FRYL: variants seen among roughly 807,000 people sequenced by gnomAD.
FRYL encodes the protein protein furry homolog-like.
FRYL carries 150 observed loss-of-function variants against 351.2 expected under a neutral mutation model. That is an observed-to-expected ratio of 0.43 (90% confidence interval 0.37 to 0.49). FRYL has a LOEUF of 0.49. FRYL is among the 20% of genes least tolerant of loss of function. The pLI is 0.00. For missense variants in FRYL, 3,036 were observed against 3,619.3 expected (o/e 0.84, Z 4.13); for synonymous variants, 1,153 against 1,257.1 (o/e 0.92, Z 1.75).
rs1560637003 is a variant in FRYL at position 48,575,145 on chromosome 4, G to A, written c.2818C>T (p.Leu940Phe). Residue 940 changes from leucine to phenylalanine, a missense_variant, in exon 25 of 64, where the codon CTT becomes TTT. Physicochemically the swap from Leu to Phe is conservative, Grantham distance 22 (BLOSUM62 0). Coordinates refer to ENST00000358350, the MANE Select transcript of FRYL (RefSeq NM_015030.2). Reference protein sequence around the residue: ...MEITESLVLGLGRTNPGAFRE... With the variant: ...MEITESLVLGFGRTNPGAFRE... Reference sequence around the variant, plus strand: ...AAAGCTCCTGGGTTGGTCCTGCCAAGACCTAGAACAAGGGATTCTGTGATT... The same window carrying A: ...AAAGCTCCTGGGTTGGTCCTGCCAAAACCTAGAACAAGGGATTCTGTGATT... 1.9e-6 allele frequency: 3 copies of A among 1,613,832 alleles called. No individual in the cohort carries two copies. The highest frequency in any genetic ancestry group is 1.6e-4 in the Middle Eastern group (1 of 6,062).
At chr4:48,711,964 G>C (rs1250929234) in intron 1 of FRYL, among the ~76,000 whole-genome samples, 4 of 152,202 alleles carry the variant, frequency 2.6e-5, no homozygotes, top group Admixed American at 6.5e-5. Flanking sequence ...ACAGGGTCTG[G>C]AGTGGACCTT....
In FRYL at chr4:48,512,591, C is replaced by G. The variant is rs778017796; in HGVS notation, c.8035G>C (p.Ala2679Pro). 2 of 1,613,986 alleles carry G rather than the reference C, an allele frequency of 1.2e-6. No homozygotes were observed. The highest frequency in any genetic ancestry group is 3.3e-5 in the Admixed American group (2 of 59,998). ...CAGGCTTCCTCTTCATCATCATATGCCACGGGCTGAAAGGCGGCTATGATG... is the reference window on the plus strand; with the variant it reads ...CAGGCTTCCTCTTCATCATCATATGGCACGGGCTGAAAGGCGGCTATGATG... ...SAIIAAFQPVAYDDEEEAWRC... is the reference protein window; with the variant it reads ...SAIIAAFQPVPYDDEEEAWRC... Residue 2679 changes from alanine to proline, a missense_variant, in exon 57 of 64, where the codon GCA (alanine) becomes CCA (proline). Transcript: ENST00000358350.
chr4:48,519,491 C>CTTTT, intron 55 of FRYL, among the ~76,000 whole-genome samples: 1 of 123,312 alleles, frequency 8.1e-6, no homozygotes, highest in East Asian at 2.5e-4. Context: ...AATGTAATTT[C>CTTTT]TTTTTTTTTT....
intron 1 of FRYL, among the ~76,000 whole-genome samples, chr4:48,737,259 G>GAAA (rs368219531): frequency 7.4e-4 from 72 of 97,364 alleles, no homozygotes; most frequent in South Asian, 1.1e-3. Flanking sequence ...CTCCATCACA[G>GAAA]AAAAAAAAAA....
At chr4:48,663,405 T>C (rs1220001198) in intron 3 of FRYL, among the ~76,000 whole-genome samples, 1 of 151,016 alleles carries the variant, frequency 6.6e-6, no homozygotes, top group Non-Finnish European at 1.5e-5. Context: ...TACTAAAAAC[T>C]ACACAATTAA....
rs768682016 is a variant in FRYL at position 48,553,382 on chromosome 4, A to T, written c.4268T>A (p.Val1423Glu). Reference protein sequence around the residue: ...VNSEPSLLPYVKKVIVYLGRD... With the variant: ...VNSEPSLLPYEKKVIVYLGRD... ...ACCTAAATATACAATGACCTTCTTC[A>T]CCTGTCACAAAAGAAATCGTTCAGA... Residue 1423 changes from valine to glutamate, a missense_variant and splice_region_variant, in exon 36 of 64, where the codon GTG becomes GAG. By Grantham distance (121) the Val-to-Glu change is moderately radical (BLOSUM62 -2). Transcript: ENST00000358350. 6.2e-7 allele frequency: 1 copy of T among 1,601,300 alleles called. No individual in the cohort carries two copies. The highest frequency in any genetic ancestry group is 8.5e-7 in the Non-Finnish European group (1 of 1,174,910).
At chr4:48,766,765 A>G (rs2109394768) in intron 1 of FRYL, among the ~76,000 whole-genome samples, 1 of 152,236 alleles carries the variant, frequency 6.6e-6, no homozygotes, top group South Asian at 2.1e-4. Context: ...CTTTTTTTGT[A>G]AAGGCATTCA....
At chr4:48,607,584 C>T (rs772965744) in intron 9 of FRYL, among the ~76,000 whole-genome samples, 13 of 152,190 alleles carry the variant, frequency 8.5e-5, no homozygotes, top group African/African-American at 1.9e-4. Context: ...AATACATACA[C>T]CAAGATTCAA....
intron 3 of FRYL, among the ~76,000 whole-genome samples, chr4:48,640,205 T>C (rs1201542600): frequency 1.3e-5 from 2 of 152,188 alleles, no homozygotes; most frequent in Non-Finnish European, 2.9e-5. Flanking sequence ...AACCTGCACA[T>C]GGTTGCTTAT....
chr4:48,620,730 G>A lies in FRYL; in HGVS notation c.223C>T (p.Leu75Phe), dbSNP rs1750495853. ...CTGTACCAGTCAAACAAGGTGCGAA[G>A]TAAGGAAGGGAGACAGTGCTCTGCT... ...SVAEHCLPSL[L>F]RTLFDWYRRQ... The change falls in exon 6 of 64, where the codon CTT becomes TTT. Residue 75 changes from leucine to phenylalanine, a missense_variant. Leu to Phe is a conservative substitution (Grantham distance 22, BLOSUM62 0). Transcript: ENST00000358350. The A allele has an allele frequency of 1.2e-6, 2 of 1,613,912 alleles. No homozygotes were observed. Among genetic ancestry groups the A allele is most frequent in the Non-Finnish European group, 1.7e-6 (2 of 1,179,824 alleles).
intron 3 of FRYL, among the ~76,000 whole-genome samples, chr4:48,648,440 C>T (rs1174183381): frequency 6.6e-6 from 1 of 152,134 alleles, no homozygotes; most frequent in African/African-American, 2.4e-5. Context: ...TTCTGCCCAC[C>T]CACCTATCTC....
chr4:48,626,399 C>G (rs555455601), intron 4 of FRYL, among the ~76,000 whole-genome samples: 1 of 152,000 alleles, frequency 6.6e-6, no homozygotes, highest in South Asian at 2.1e-4. Context: ...GTTTTTTGTT[C>G]TGTTAAACAA....
rs1157670925 is a variant in FRYL at position 48,727,211 on chromosome 4, TA to T, written c.-383-16514del. Among the ~76,000 whole-genome samples, 10 of 150,492 alleles carry T rather than the reference TA, an allele frequency of 6.6e-5. No individual in the cohort carries two copies. In the South Asian group the frequency reaches 8.4e-4, roughly 13 times the overall value. On this transcript the variant is annotated intron_variant, in intron 1 of 63. Transcript: ENST00000358350. The stretch of plus-strand genomic sequence containing the variant: ...CAGAAAGGAATACTGTATAGCAACT[TA>T]AAAAAAAATGGGAAGAAGAGACGTC...
Position 48,711,130 on chromosome 4 carries a change from G to T in FRYL, c.-383-432C>A, listed in dbSNP as rs901972684. On this transcript the variant is annotated intron_variant, in intron 1 of 63. Coordinates refer to ENST00000358350, the MANE Select transcript of FRYL (RefSeq NM_015030.2). Reference sequence around the variant, plus strand: ...CAGCTCCGGTCTACAGCTCCCAGCGGGAGCGACACAGAAGACGGGTGATTT... The same window carrying T: ...CAGCTCCGGTCTACAGCTCCCAGCGTGAGCGACACAGAAGACGGGTGATTT... 9.2e-5 allele frequency among the ~76,000 whole-genome samples: 14 copies of T among 152,344 alleles called. 3 individuals carry two copies. Among genetic ancestry groups the T allele is most frequent in the Admixed American group, 3.9e-4 (6 of 15,300 alleles).
At chr4:48,566,885 T>C (rs1736922707) in intron 28 of FRYL, among the ~76,000 whole-genome samples, 1 of 152,214 alleles carries the variant, frequency 6.6e-6, no homozygotes, top group Non-Finnish European at 1.5e-5. Flanking sequence ...TTATGGCCTA[T>C]ACTCTTTTCC....
intron 1 of FRYL, among the ~76,000 whole-genome samples, chr4:48,729,452 C>T (rs1770481126): frequency 6.6e-6 from 1 of 152,212 alleles, no homozygotes; most frequent in Non-Finnish European, 1.5e-5. Flanking sequence ...TCTCTGACCC[C>T]TGTGTAGCCT....
At chr4:48,691,520 C>A (rs1467438171) in intron 2 of FRYL, among the ~76,000 whole-genome samples, 2 of 152,132 alleles carry the variant, frequency 1.3e-5, no homozygotes, top group African/African-American at 4.8e-5. Context: ...AGTATTCAAT[C>A]TCCGTTTCCT....
intron 20 of FRYL, among the ~76,000 whole-genome samples, 181 bp from the exon 21 acceptor site, chr4:48,581,786 C>G (rs748901197): frequency 1.3e-5 from 2 of 152,200 alleles, no homozygotes; most frequent in Non-Finnish European, 2.9e-5. Flanking sequence ...AAACATTTCA[C>G]TGGCAGTCTA....
intron 47 of FRYL, 150 bp from the exon 48 acceptor site, chr4:48,535,977 G>A: frequency 5.2e-6 from 3 of 579,084 alleles, no homozygotes; most frequent in African/African-American, 1.9e-5. Flanking sequence ...AGTGAAACGA[G>A]AAAAAAAGCA....
Sources: gnomAD v4.1 joint callset for allele counts (sites outside exome capture counted in the v4.1 genomes callset) on GRCh38, gnomAD v4.1.1 for gene constraint, MANE v1.5 for transcripts, NCBI Gene and HGNC (gene_info 2026-07-23, HGNC 2026-07-21) for gene names.